PCNX1: variants seen among roughly 807,000 people sequenced by gnomAD.
The protein encoded by PCNX1 is pecanex 1, also known as pecanex-like protein 1.
A neutral mutation model predicts 242.2 loss-of-function variants in PCNX1; 78 were observed. The ratio of observed to expected loss-of-function variants is 0.32; its 90% confidence interval spans 0.27 to 0.39. The LOEUF is 0.39. PCNX1 is among the 10% of genes least tolerant of loss of function. The pLI is 1.00. For missense variants in PCNX1, 2,581 were observed against 2,856.5 expected, an observed-to-expected ratio of 0.90 and a Z score of 2.20; for synonymous variants, 1,024 against 1,032.9, an observed-to-expected ratio of 0.99 and a Z score of 0.17.
intron 29 of PCNX1, 80 bp downstream of exon 29, chr14:71,088,510 C>T: frequency 1.3e-6 from 1 of 787,646 alleles, no homozygotes; most frequent in Non-Finnish European, 2.2e-6. Flanking sequence ...TTCATGGACG[C>T]ATGTATTCTA....
In PCNX1 at chr14:71,114,593, A is replaced by G. The variant is rs539771553; in HGVS notation, c.*4658A>G. On this transcript the variant is annotated 3_prime_UTR_variant, in exon 36 of 36. Transcript: ENST00000304743. ...TGCCATTTTGTGGAATCAACCTTAC[A>G]TTCTTTGGTGGAACTAGAGCTGATT... is the stretch of plus-strand genomic sequence containing the variant. 3.3e-5 allele frequency: 5 copies of G among 152,762 alleles called. 1 individual carries two copies. In the South Asian group the frequency reaches 8.3e-4, roughly 25 times the overall value. 9.5% of individuals were successfully genotyped at this position (152,762 alleles called of 1,614,324 possible).
intron 1 of PCNX1, among the ~76,000 whole-genome samples, chr14:70,916,838 A>G (rs1049309284): frequency 2.0e-5 from 3 of 152,190 alleles, no homozygotes; most frequent in Non-Finnish European, 2.9e-5. Context: ...ATTTATCTGT[A>G]CGTGTAATGC....
chr14:71,103,335 T>C lies in PCNX1; in HGVS notation c.5821-60T>C, dbSNP rs1312189375. ...TGTATTCCTCCCATTTCTGCTCTTC[T>C]GTTTCTGTGAATTTTATTCTTGGCC... On this transcript the variant is annotated intron_variant, in intron 31 of 35. Transcript: ENST00000304743. The C allele has an allele frequency of 2.6e-6, 4 of 1,554,560 alleles. No individual in the cohort carries two copies. In the African/African-American group the frequency reaches 5.5e-5, roughly 21 times the overall value.
At chr14:71,084,906 C>G (rs2061945809) in intron 28 of PCNX1, among the ~76,000 whole-genome samples, 1 of 152,164 alleles carries the variant, frequency 6.6e-6, no homozygotes, top group Admixed American at 6.5e-5. Context: ...AAAACTCTGG[C>G]AGTTAGCTCG....
intron 2 of PCNX1, among the ~76,000 whole-genome samples, chr14:70,957,458 T>C (rs1184323647): frequency 6.6e-6 from 1 of 152,130 alleles, no homozygotes; most frequent in Non-Finnish European, 1.5e-5. Context: ...AGGAATGAAA[T>C]ACTGATGCAT....
chr14:70,986,566 A>C (rs888609480), intron 6 of PCNX1, among the ~76,000 whole-genome samples: 1 of 152,224 alleles, frequency 6.6e-6, no homozygotes, highest in African/African-American at 2.4e-5. Context: ...AACACCATTA[A>C]GTCTTCAGTA....
chr14:70,947,370 G>A (rs555140524), intron 2 of PCNX1, among the ~76,000 whole-genome samples: 207 of 152,246 alleles, frequency 1.4e-3, no homozygotes, highest in South Asian at 2.5e-3. Flanking sequence ...GTACTGTTGC[G>A]GGAAGACAGG....
In PCNX1 at chr14:71,042,763, T is replaced by C. The variant is rs571658872; in HGVS notation, c.3868-2370T>C. On this transcript the variant is annotated intron_variant, in intron 19 of 35. Coordinates refer to ENST00000304743, the MANE Select transcript of PCNX1 (RefSeq NM_014982.3). ...GTGGAGGCATACTCCCATCATTTTG[T>C]TCATTGTTTTCTGAATGTTTTACAT... Among the ~76,000 whole-genome samples, 4 of 152,308 alleles carry C rather than the reference T, an allele frequency of 2.6e-5. No individual in the cohort carries two copies. In the East Asian group the frequency reaches 5.8e-4, roughly 22 times the overall value.
In PCNX1 at chr14:71,046,993, C is replaced by G; in HGVS notation, c.4048C>G (p.Leu1350Val). 1 of 1,610,230 alleles carries G rather than the reference C, an allele frequency of 6.2e-7. No individual in the cohort carries two copies. The highest frequency in any genetic ancestry group is 1.7e-5 in the Admixed American group (1 of 59,948). The change falls in exon 21 of 36, where the codon CTT (leucine) becomes GTT (valine). Residue 1350 changes from leucine to valine, a missense_variant. By Grantham distance (32) the Leu-to-Val change is conservative (BLOSUM62 1). This residue lies in a region of PCNX1 where 432 missense variants were observed against 443.1 expected (regional missense o/e 0.97). Transcript: ENST00000304743. ...NAATMMWFEK[L>V]HVWLLFVEKN... ...AGCCACTATGATGTGGTTTGAGAAA[C>G]TTCATGTGTGGCTTCTTTTTGTGGA...
intron 1 of PCNX1, among the ~76,000 whole-genome samples, chr14:70,911,775 C>A (rs761187470): frequency 3.3e-5 from 5 of 152,058 alleles, no homozygotes; most frequent in Non-Finnish European, 5.9e-5. Context: ...TTCAGAATGG[C>A]CTTCAGTAAA....
chr14:71,081,743 A>T (rs777152219), intron 28 of PCNX1, among the ~76,000 whole-genome samples: 2 of 151,544 alleles, frequency 1.3e-5, no homozygotes, highest in Non-Finnish European at 2.9e-5. Context: ...TGTCTATTTG[A>T]TTCTTCTCTC....
chr14:71,093,490 A>G (rs1173731672), intron 30 of PCNX1: 1 of 152,298 alleles, frequency 6.6e-6, no homozygotes, highest in Non-Finnish European at 1.5e-5. Context: ...CCAGAAAACA[A>G]GTTGACTTTA....
At chr14:70,971,185 C>T (rs2058533071) in intron 5 of PCNX1, among the ~76,000 whole-genome samples, 1 of 9,656 alleles carries the variant, frequency 1.0e-4, no homozygotes, top group African/African-American at 3.8e-4. Flanking sequence ...TCGCCCAGGC[C>T]GGACTGCGGA....
intron 8 of PCNX1, among the ~76,000 whole-genome samples, chr14:70,998,846 T>C (rs2059426998): frequency 6.6e-6 from 1 of 151,898 alleles, no homozygotes; most frequent in African/African-American, 2.4e-5. Flanking sequence ...AGAAATTGGG[T>C]TCAAATGACT....
intron 1 of PCNX1, among the ~76,000 whole-genome samples, chr14:70,913,793 T>C (rs977669984): frequency 1.3e-5 from 2 of 152,236 alleles, no homozygotes; most frequent in Non-Finnish European, 2.9e-5. Flanking sequence ...TATATTTCTC[T>C]AAAAGTTTAG....
rs752766652 is a variant in PCNX1, at chr14:71,009,641, C to A, written c.2637C>A (p.Phe879Leu). The A allele has an allele frequency of 6.5e-7, 1 of 1,545,184 alleles. No homozygotes were observed. Among genetic ancestry groups the A allele is most frequent in the Non-Finnish European group, 8.8e-7 (1 of 1,133,870 alleles). Residue 879 changes from phenylalanine (F) to leucine (L), a missense_variant, in exon 9 of 36, where the codon TTC becomes TTA. Around this residue, in one of 9 missense-constraint regions of PCNX1, gnomAD observed 1,204 missense variants for 1,216.7 expected, o/e 0.99. Coordinates refer to ENST00000304743, the MANE Select transcript of PCNX1 (RefSeq NM_014982.3). Reference sequence around the variant, plus strand: ...TAATCATTTATTTGCTAGGTAAGTTCTCTTCTACGCTGTATGAGACTGGTG... The same window carrying A: ...TAATCATTTATTTGCTAGGTAAGTTATCTTCTACGCTGTATGAGACTGGTG... ...GSSLHDELGK[F>L]SSTLYETGGC... is the part of the protein sequence containing the mutation.
intron 2 of PCNX1, among the ~76,000 whole-genome samples, chr14:70,952,146 T>G (rs959923907): frequency 2.0e-5 from 3 of 152,216 alleles, no homozygotes; most frequent in Non-Finnish European, 4.4e-5. Flanking sequence ...AAATAATATA[T>G]AGAGAGTTCT....
In PCNX1 at chr14:71,073,529, T is replaced by G. The variant is rs1193128692; in HGVS notation, c.4853-16T>G. The stretch of plus-strand genomic sequence containing the variant: ...CTGGTTTTCCCCCTTTGTAAAGCTC[T>G]CTCTCTCTCTCTAAGGTACCTACTG... On this transcript the variant is annotated splice_polypyrimidine_tract_variant and intron_variant, in intron 26 of 35. Coordinates refer to ENST00000304743, the MANE Select transcript of PCNX1 (RefSeq NM_014982.3). 3.8e-6 allele frequency: 6 copies of G among 1,579,456 alleles called. No homozygotes were observed. Among genetic ancestry groups the G allele is most frequent in the African/African-American group, 1.3e-5 (1 of 74,278 alleles).
intron 26 of PCNX1, among the ~76,000 whole-genome samples, chr14:71,063,439 A>G (rs2061372034): frequency 6.6e-6 from 1 of 152,186 alleles, no homozygotes; most frequent in African/African-American, 2.4e-5. Flanking sequence ...CACAGCAATT[A>G]GTATATAATA....
Sources: allele counts gnomAD v4.1 joint callset (sites outside exome capture counted in the v4.1 genomes callset), GRCh38; gene constraint gnomAD v4.1.1; regional missense constraint gnomAD v4.1.1; transcripts MANE v1.5; gene names NCBI Gene and HGNC (gene_info 2026-07-23, HGNC 2026-07-21).